DSCAM: variants seen among roughly 807,000 people sequenced by gnomAD.
The protein encoded by DSCAM is cell adhesion molecule DSCAM.
DSCAM carries 47 observed loss-of-function variants against 217.7 expected under a neutral mutation model. The observed-to-expected ratio is 0.22, with a 90% CI of 0.17 to 0.28. The LOEUF is 0.28. Among genes scored for constraint, DSCAM ranks in the 10% least tolerant of loss-of-function variants. DSCAM has a pLI of 1.00. For missense variants in DSCAM, 2,080 were observed against 2,618.3 expected (o/e 0.79, Z 4.49); for synonymous variants, 1,056 against 1,015.3 (o/e 1.04, Z -0.76).
intron 2 of DSCAM, among the ~76,000 whole-genome samples, chr21:40,705,967 T>G (rs1334151812): frequency 1.3e-5 from 2 of 151,072 alleles, no homozygotes; most frequent in Non-Finnish European, 2.9e-5. Flanking sequence ...GATCACGAGG[T>G]CAGGAGATGG....
chr21:40,662,123 AAAAC>A (rs201953664), intron 3 of DSCAM, among the ~76,000 whole-genome samples: 47 of 25,984 alleles, frequency 1.8e-3, no homozygotes, highest in African/African-American at 2.6e-3. Context: ...TTACGTTGTT[AAAAC>A]AAACAAACAA....
At chr21:40,289,008 C>G (rs890157039) in intron 10 of DSCAM, among the ~76,000 whole-genome samples, 1 of 152,162 alleles carries the variant, frequency 6.6e-6, no homozygotes, top group East Asian at 1.9e-4. Context: ...TTACTAAAAT[C>G]AAGTCCAAAT....
chr21:40,582,444 A>C (rs1480400347), intron 3 of DSCAM, among the ~76,000 whole-genome samples: 1 of 152,250 alleles, frequency 6.6e-6, no homozygotes, highest in Admixed American at 6.5e-5. Context: ...GATAACTAAC[A>C]GTCCCAGCCG....
chr21:40,116,863 A>G (rs181000795), intron 20 of DSCAM, among the ~76,000 whole-genome samples: 4 of 151,298 alleles, frequency 2.6e-5, no homozygotes, highest in Admixed American at 6.6e-5. Context: ...TTAGCCAGGC[A>G]TGGTGGCGGG....
intron 3 of DSCAM, among the ~76,000 whole-genome samples, chr21:40,636,305 A>T (rs752122692): frequency 1.3e-5 from 2 of 152,134 alleles, no homozygotes; most frequent in Non-Finnish European, 2.9e-5. Flanking sequence ...CTTAGAATGA[A>T]GATTTTAAAA....
intron 1 of DSCAM, among the ~76,000 whole-genome samples, chr21:40,812,992 G>C (rs1050926003): frequency 1.3e-5 from 2 of 152,184 alleles, no homozygotes; most frequent in African/African-American, 4.8e-5. Context: ...TTGTTTTAGT[G>C]AAAGGAATGG....
At chr21:40,673,567 T>C (rs561712331) in intron 3 of DSCAM, among the ~76,000 whole-genome samples, 115 of 152,212 alleles carry the variant, frequency 7.6e-4, no homozygotes, top group African/African-American at 2.7e-3. Context: ...TGGTATGGCT[T>C]GGATCTGTGT....
chr21:40,580,258 C>T (rs73366965), intron 3 of DSCAM, among the ~76,000 whole-genome samples: 5,756 of 151,836 alleles, frequency 0.038, 314 homozygotes, highest in African/African-American at 0.12. Context: ...GAGGCCTGGT[C>T]GGGGTGGCTC....
chr21:40,606,388 G>C (rs1428560110), intron 3 of DSCAM, among the ~76,000 whole-genome samples: 1 of 152,188 alleles, frequency 6.6e-6, no homozygotes, highest in Admixed American at 6.5e-5. Context: ...TTCCAGAGGA[G>C]CTGGAAATCC....
At chr21:40,775,467 C>T (rs1601244541) in intron 1 of DSCAM, among the ~76,000 whole-genome samples, 1 of 152,134 alleles carries the variant, frequency 6.6e-6, no homozygotes, top group South Asian at 2.1e-4. Flanking sequence ...GATTTGCCTT[C>T]CATGTTGTCA....
chr21:40,461,889 T>A (rs1054024698), intron 3 of DSCAM, among the ~76,000 whole-genome samples: 6 of 152,224 alleles, frequency 3.9e-5, no homozygotes, highest in South Asian at 2.1e-4. Context: ...AGAACTGCTC[T>A]AGAGCCCCCA....
intron 1 of DSCAM, among the ~76,000 whole-genome samples, chr21:40,836,209 T>G (rs1448174374): frequency 6.6e-6 from 1 of 152,206 alleles, no homozygotes; most frequent in African/African-American, 2.4e-5. Flanking sequence ...AGCTTCATGG[T>G]TACAGGCAGG....
chr21:40,467,145 C>A (rs2837642), intron 3 of DSCAM, among the ~76,000 whole-genome samples: 11,170 of 152,176 alleles, frequency 0.073, 784 homozygotes, highest in African/African-American at 0.18. Flanking sequence ...ACAATCAAGA[C>A]AATTAAGTGG....
At chr21:40,578,481 C>T (rs462530) in intron 3 of DSCAM, among the ~76,000 whole-genome samples, 6 of 65,896 alleles carry the variant, frequency 9.1e-5, no homozygotes, top group African/African-American at 1.9e-4. Flanking sequence ...GACCAATCAG[C>T]ACTCTGTAAA....
chr21:40,035,819 C>G (rs1339370637), intron 32 of DSCAM, among the ~76,000 whole-genome samples: 17 of 145,100 alleles, frequency 1.2e-4, no homozygotes, highest in Admixed American at 6.7e-4. Context: ...AACTATCTCT[C>G]AGACCACAGT....
Position 40,369,144 on chromosome 21 carries a change from T to C in DSCAM, c.610A>G (p.Thr204Ala), listed in dbSNP as rs762980378. 59 of 1,613,114 alleles carry C rather than the reference T, an allele frequency of 3.7e-5. No homozygotes were observed. Among genetic ancestry groups the C allele is most frequent in the Non-Finnish European group, 4.5e-5 (53 of 1,179,596 alleles). Residue 204 changes from threonine (T) to alanine (A), a missense_variant, in exon 4 of 33, where the codon ACC becomes GCC. Thr to Ala is a moderately conservative substitution (Grantham distance 58). Around this residue, in one of 5 missense-constraint regions of DSCAM, gnomAD observed 568 missense variants for 678.1 expected, o/e 0.84. Coordinates refer to ENST00000400454, the MANE Select transcript of DSCAM (RefSeq NM_001389.5). ...NYRCITRHRY[T>A]GETRQSNSAR... is the part of the protein sequence containing the mutation. ...CTGTTGCTCTGCCTCGTCTCTCCGG[T>C]GTATCGATGCCGCGTGATGCAGCGG...
intron 3 of DSCAM, among the ~76,000 whole-genome samples, chr21:40,514,217 T>C (rs1213833531): frequency 6.6e-6 from 1 of 152,214 alleles, no homozygotes; most frequent in Non-Finnish European, 1.5e-5. Flanking sequence ...CAAAGAAGTA[T>C]AGGAAAGCTG....
At chr21:40,645,535 A>G (rs1386714100) in intron 3 of DSCAM, among the ~76,000 whole-genome samples, 2 of 152,062 alleles carry the variant, frequency 1.3e-5, no homozygotes, top group South Asian at 2.1e-4. Context: ...GGCATCCACT[A>G]TTTAGTAAAG....
chr21:40,460,343 C>T (rs1374137961), intron 3 of DSCAM, among the ~76,000 whole-genome samples: 1 of 151,994 alleles, frequency 6.6e-6, no homozygotes, highest in Non-Finnish European at 1.5e-5. Flanking sequence ...AAAATAAAAA[C>T]AAGTTCCAGA....
Sources: gnomAD v4.1 joint callset for allele counts (sites outside exome capture counted in the v4.1 genomes callset) on GRCh38, gnomAD v4.1.1 for gene constraint, gnomAD v4.1.1 regional missense constraint, MANE v1.5 for transcripts, NCBI Gene and HGNC (gene_info 2026-07-23, HGNC 2026-07-21) for gene names.